MARCHF1: variants seen among roughly 807,000 people sequenced by gnomAD.
MARCHF1 encodes the protein membrane associated ring-CH-type finger 1.
In MARCHF1, 40 loss-of-function variants were observed where a neutral mutation model predicts 54.2. That is an observed-to-expected ratio of 0.74 (90% CI 0.57 to 0.96). The LOEUF (loss-of-function observed/expected upper bound fraction) is 0.96, where lower values mean the gene tolerates loss of function less well. Ranked by LOEUF, MARCHF1 falls within the 40% of genes least tolerant of loss-of-function variation. The pLI, the probability that MARCHF1 is intolerant of heterozygous loss-of-function variation, is 0.00. For synonymous variants in MARCHF1, 236 were observed against 236.3 expected (o/e 1.00, Z 0.01); for missense variants, 586 against 656.5 (o/e 0.89, Z 1.17).
At chr4:163,796,598 T>A (rs1747923238) in intron 4 of MARCHF1, among the ~76,000 whole-genome samples, 1 of 152,186 alleles carries the variant, frequency 6.6e-6, no homozygotes, top group Non-Finnish European at 1.5e-5. Context: ...ATTTATTTTT[T>A]CATACAGTCT....
chr4:164,226,005 T>A (rs934123168), intron 1 of MARCHF1, among the ~76,000 whole-genome samples: 2 of 152,044 alleles, frequency 1.3e-5, no homozygotes, highest in Admixed American at 1.3e-4. Context: ...ACTGCAGGAT[T>A]ACACAATCAA....
intron 3 of MARCHF1, among the ~76,000 whole-genome samples, chr4:163,900,694 A>G (rs1750920945): frequency 6.6e-6 from 1 of 152,288 alleles, no homozygotes; most frequent in South Asian, 2.1e-4. Context: ...TGGATGAAAG[A>G]GTCTCATTTT....
chr4:163,670,435 T>C (rs989554850), intron 5 of MARCHF1, among the ~76,000 whole-genome samples: 2 of 151,064 alleles, frequency 1.3e-5, no homozygotes, highest in African/African-American at 2.5e-5. Context: ...AAAATTCTTA[T>C]ATATGTGGAA....
chr4:164,142,371 G>T (rs1756567869), intron 1 of MARCHF1, among the ~76,000 whole-genome samples: 3 of 152,140 alleles, frequency 2.0e-5, no homozygotes, highest in South Asian at 4.1e-4. Context: ...TGGGGGCAGG[G>T]CACAGACAAA....
intron 4 of MARCHF1, among the ~76,000 whole-genome samples, chr4:163,752,036 A>G (rs1437454397): frequency 1.3e-5 from 2 of 152,194 alleles, no homozygotes; most frequent in Admixed American, 6.5e-5. Flanking sequence ...TAGATGATAA[A>G]TATCTGGACA....
chr4:163,562,830 C>A (rs145629059), intron 8 of MARCHF1, among the ~76,000 whole-genome samples: 1 of 152,168 alleles, frequency 6.6e-6, no homozygotes, highest in African/African-American at 2.4e-5. Flanking sequence ...AAACTGTTCA[C>A]CCCATCACTC....
chr4:163,940,858 G>A (rs1751897739), intron 3 of MARCHF1, among the ~76,000 whole-genome samples: 1 of 152,088 alleles, frequency 6.6e-6, no homozygotes, highest in Admixed American at 6.6e-5. Context: ...GCTAAATGTT[G>A]CTAAAGGAAT....
chr4:163,840,664 C>T (rs1179243170), intron 4 of MARCHF1, among the ~76,000 whole-genome samples: 2 of 152,090 alleles, frequency 1.3e-5, no homozygotes, highest in East Asian at 3.9e-4. Flanking sequence ...GAGAGATGCT[C>T]GTCAAAATAC....
intron 1 of MARCHF1, among the ~76,000 whole-genome samples, chr4:164,320,768 A>G (rs1003019953): frequency 1.3e-5 from 2 of 151,156 alleles, no homozygotes; most frequent in African/African-American, 4.9e-5. Flanking sequence ...AAGTATGGAT[A>G]TGTCCTTAAA....
chr4:163,978,380 G>A lies in MARCHF1; in HGVS notation c.-39+10121C>T, dbSNP rs917372378. ...TGAGGAAAAATACAGTCAACATAGGGAATTGACTCCTTTAGCACTTTTGTT... is the reference window on the plus strand; with the variant it reads ...TGAGGAAAAATACAGTCAACATAGGAAATTGACTCCTTTAGCACTTTTGTT... On this transcript the variant is annotated intron_variant, in intron 3 of 9. Coordinates refer to ENST00000514618, the MANE Select transcript of MARCHF1 (RefSeq NM_001394959.1). 3.0e-4 allele frequency among the ~76,000 whole-genome samples: 46 copies of A among 152,164 alleles called. 1 individual carries two copies. The highest frequency in any genetic ancestry group is 1.9e-4 in the Non-Finnish European group (13 of 68,030).
chr4:163,772,484 C>G (rs922183281), intron 4 of MARCHF1, among the ~76,000 whole-genome samples: 1 of 152,156 alleles, frequency 6.6e-6, no homozygotes, highest in Non-Finnish European at 1.5e-5. Context: ...GGGGAAAAAT[C>G]CACTGCCCAT....
At chr4:163,726,570 T>A (rs1039401875) in intron 4 of MARCHF1, among the ~76,000 whole-genome samples, 2 of 152,228 alleles carry the variant, frequency 1.3e-5, no homozygotes, top group African/African-American at 4.8e-5. Context: ...CTATATGCAT[T>A]CATGTGTAGG....
At chr4:164,127,811 C>T (rs1256099460) in intron 1 of MARCHF1, among the ~76,000 whole-genome samples, 3 of 151,888 alleles carry the variant, frequency 2.0e-5, no homozygotes, top group Admixed American at 6.6e-5. Context: ...AAATTATTCC[C>T]CCAACATGCT....
At chr4:163,836,299 G>T (rs1209340105) in intron 4 of MARCHF1, among the ~76,000 whole-genome samples, 2 of 150,924 alleles carry the variant, frequency 1.3e-5, no homozygotes, top group South Asian at 4.2e-4. Context: ...AGGCTGGAGT[G>T]CAGTGGCACA....
chr4:163,730,195 C>T (rs1206406478), intron 4 of MARCHF1, among the ~76,000 whole-genome samples: 6 of 151,892 alleles, frequency 4.0e-5, no homozygotes, highest in Admixed American at 2.0e-4. Flanking sequence ...GTAATTTTTT[C>T]GTTTTAGTTA....
intron 3 of MARCHF1, among the ~76,000 whole-genome samples, chr4:163,910,212 C>T (rs1439259471): frequency 6.6e-6 from 1 of 152,054 alleles, no homozygotes; most frequent in Non-Finnish European, 1.5e-5. Flanking sequence ...ATATATAATA[C>T]ATATTTTAGG....
At position 163,539,584 on chromosome 4, in the gene MARCHF1, T is replaced by C. The variant is rs150636913; in HGVS notation, c.1339+6012A>G. Among the ~76,000 whole-genome samples the C allele has an allele frequency of 1.5e-3, 222 of 152,292 alleles. 1 individual carries two copies. Among genetic ancestry groups the C allele is most frequent in the African/African-American group, 5.1e-3 (213 of 41,550 alleles). On this transcript the variant is annotated intron_variant, in intron 9 of 9. Coordinates refer to ENST00000514618, the MANE Select transcript of MARCHF1 (RefSeq NM_001394959.1). ...AGATCTTTCTAACTTCACTGTGTTA[T>C]AAGTTTAGGGTGTCCCAGCTTGACT...
chr4:164,381,110 T>C (rs929294442), intron 1 of MARCHF1, among the ~76,000 whole-genome samples: 3 of 152,214 alleles, frequency 2.0e-5, no homozygotes, highest in African/African-American at 7.2e-5. Flanking sequence ...ATCATGTTTT[T>C]CGGTGACCTT....
intron 3 of MARCHF1, among the ~76,000 whole-genome samples, chr4:163,976,634 G>A (rs1056843085): frequency 7.2e-5 from 11 of 152,132 alleles, no homozygotes; most frequent in African/African-American, 1.2e-4. Context: ...TTATCAAAAC[G>A]CATTGCAACT....
Sources: gnomAD v4.1 joint callset for allele counts (sites outside exome capture counted in the v4.1 genomes callset) on GRCh38, gnomAD v4.1.1 for gene constraint, MANE v1.5 for transcripts, NCBI Gene and HGNC (gene_info 2026-07-23, HGNC 2026-07-21) for gene names.